The following LCAT variants were observed in gnomAD, a reference collection of about 807,000 sequenced individuals.
The protein encoded by LCAT is lecithin-cholesterol acyltransferase.
Under a neutral mutation model 41.0 loss-of-function variants are expected in LCAT, and 15 were observed. The ratio of observed to expected loss-of-function variants is 0.37; its 90% CI spans 0.24 to 0.56. LCAT has a LOEUF of 0.56. Ranked by LOEUF, LCAT falls within the 20% of genes least tolerant of loss-of-function variation. The probability of loss-of-function intolerance (pLI) is 0.81; values close to 1 mark genes in which losing one functional copy is unlikely to be tolerated. For missense variants in LCAT, 449 were observed against 595.1 expected (o/e 0.75, Z 2.55); for synonymous variants, 248 against 245.4 (o/e 1.01, Z -0.10).
In LCAT at chr16:67,943,186, C is replaced by T; in HGVS notation, c.181G>A (p.Glu61Lys). ...ACATCTGGTTTGTCCAGCTTGGCTT[C>T]TAGCTGATTCCCCAGGCAGCCGGGC... ...LVPGCLGNQL[E>K]AKLDKPDVVN... Residue 61 changes from glutamate to lysine, a missense_variant, in exon 2 of 6, where the codon GAA becomes AAA. Coordinates refer to ENST00000264005, the MANE Select transcript of LCAT (RefSeq NM_000229.2). This position sits in a 1 kb window ranked among gnomAD's most constrained non-coding sequence, Gnocchi z 4.6. 1 of 1,613,640 alleles carries T rather than the reference C, an allele frequency of 6.2e-7. No individual in the cohort carries two copies. Among genetic ancestry groups the T allele is most frequent in the Non-Finnish European group, 8.5e-7 (1 of 1,179,950 alleles).
chr16:67,943,814 C>T lies in LCAT; in HGVS notation c.154+134G>A. The T allele has an allele frequency of 1.2e-6, 1 of 842,762 alleles. No individual in the cohort carries two copies. The highest frequency in any genetic ancestry group is 1.9e-5 in the South Asian group (1 of 52,478). The allele number at this position is 842,762 out of a possible 1,614,324, so 52.2% of individuals were successfully genotyped here. ...TCTAAGGGACAAGCTTTTGGCCCCT[C>T]CCCACACCAGGGCAGGTACTTATGT... On this transcript the variant is annotated intron_variant, in intron 1 of 5. Transcript: ENST00000264005. The surrounding 1 kb of genome is among the most constrained non-coding windows in gnomAD (Gnocchi z 4.6).
chr16:67,943,016 G>A lies in LCAT; in HGVS notation c.311+40C>T. 3 of 1,613,796 alleles carry A rather than the reference G, an allele frequency of 1.9e-6. No individual in the cohort carries two copies. The highest frequency in any genetic ancestry group is 2.5e-6 in the Non-Finnish European group (3 of 1,179,868). On this transcript the variant is annotated intron_variant, in intron 2 of 5. Coordinates refer to ENST00000264005, the MANE Select transcript of LCAT (RefSeq NM_000229.2). The surrounding 1 kb of genome is among the most constrained non-coding windows in gnomAD (Gnocchi z 4.6). ...TGCCACTCAGCAGCCAGTAGCCAAG[G>A]GGCAGCGTGTTGGGGCTAGGGTGGA... is the stretch of plus-strand genomic sequence containing the variant.
rs2151319810 is a variant in LCAT at position 67,939,964 on chromosome 16, G to T, written c.1263C>A (p.Ala421=). 6.2e-7 allele frequency: 1 copy of T among 1,613,624 alleles called. No homozygotes were observed. The highest frequency in any genetic ancestry group is 8.5e-7 in the Non-Finnish European group (1 of 1,180,008). Reference sequence around the variant, plus strand: ...GGGATGCAGGGGGACCCTGGCGGTAGGCACCCAGCAGGATGGCATTGATGT... The same window carrying T: ...GGGATGCAGGGGGACCCTGGCGGTATGCACCCAGCAGGATGGCATTGATGT... ...LEHINAILLG[A]YRQGPPASPT... Residue 421 remains alanine (A), a synonymous_variant, in exon 6 of 6, where the codon GCC becomes GCA. Transcript: ENST00000264005.
At position 67,940,387 on chromosome 16, in the gene LCAT, G is replaced by A. The variant is rs373437836; in HGVS notation, c.840C>T (p.Arg280=). 3 of 1,614,032 alleles carry A rather than the reference G, an allele frequency of 1.9e-6. No homozygotes were observed. The highest frequency in any genetic ancestry group is 2.5e-6 in the Non-Finnish European group (3 of 1,180,042). The change falls in exon 6 of 6, where the codon CGC becomes CGT. Residue 280 remains arginine (R), a synonymous_variant. Coordinates refer to ENST00000264005, the MANE Select transcript of LCAT (RefSeq NM_000229.2). ...TTTSPWMFPS[R]MAWPEDHVFI... is the part of the protein sequence containing the mutation. ...ACACGTGGTCCTCAGGCCACGCCAT[G>A]CGAGAGGGAAACATCCAGGGGGAGG... is the stretch of plus-strand genomic sequence containing the variant.
At chr16:67,940,679 C>A in intron 5 of LCAT, 1 of 902,782 alleles carries the variant, frequency 1.1e-6, no homozygotes, top group Non-Finnish European at 1.6e-6. Flanking sequence ...GATAAGACCT[C>A]TGTTGGGTGG....
chr16:67,939,790 T>C lies in LCAT; in HGVS notation c.*114A>G. On this transcript the variant is annotated 3_prime_UTR_variant, in exon 6 of 6. Coordinates refer to ENST00000264005, the MANE Select transcript of LCAT (RefSeq NM_000229.2). ...CTCAGCAGAGCCCATCTTGCCTCAC[T>C]GCACACAGCACTGAGCCTGTGGCTG... The C allele has an allele frequency of 6.6e-7, 1 of 1,524,900 alleles. No individual in the cohort carries two copies. The highest frequency in any genetic ancestry group is 8.8e-7 in the Non-Finnish European group (1 of 1,131,778). The allele number at this position is 1,524,900 out of a possible 1,614,324, so 94.5% of individuals were successfully genotyped here.
chr16:67,943,386 G>T lies in LCAT; in HGVS notation c.155-174C>A, dbSNP rs2058304736. 1 of 643,096 alleles carries T rather than the reference G, an allele frequency of 1.6e-6. No individual in the cohort carries two copies. The highest frequency in any genetic ancestry group is 1.7e-5 in the South Asian group (1 of 58,762). The allele number at this position is 643,096 out of a possible 1,614,324, so 39.8% of individuals were successfully genotyped here. A position where few individuals can be genotyped will look rare whatever the true frequency, so the allele number is the denominator to read the frequency against. ...ACCCCCTCTCCCTGCTGTCCCCCCA[G>T]TAGCCAAAGCCCAGGCTTCCCTGAG... is the stretch of plus-strand genomic sequence containing the variant. On this transcript the variant is annotated intron_variant, in intron 1 of 5. Coordinates refer to ENST00000264005, the MANE Select transcript of LCAT (RefSeq NM_000229.2). This position sits in a 1 kb window ranked among gnomAD's most constrained non-coding sequence, Gnocchi z 4.6.
chr16:67,943,265 C>G lies in LCAT; in HGVS notation c.155-53G>C. ...TCTGGATTCCCCCCGTGACCCTTAC[C>G]CCCGTCACCCCAGATGCTGCAGTGA... On this transcript the variant is annotated intron_variant, in intron 1 of 5. Coordinates refer to ENST00000264005, the MANE Select transcript of LCAT (RefSeq NM_000229.2). The surrounding 1 kb of genome is among the most constrained non-coding windows in gnomAD (Gnocchi z 4.6). 1 of 1,589,908 alleles carries G rather than the reference C, an allele frequency of 6.3e-7. No homozygotes were observed. The highest frequency in any genetic ancestry group is 1.1e-5 in the South Asian group (1 of 90,508).
chr16:67,943,199 C>A lies in LCAT; in HGVS notation c.168G>T (p.Leu56=), dbSNP rs775504919. ...TRPVILVPGC[L]GNQLEAKLDK... Reference sequence around the variant, plus strand: ...CCAGCTTGGCTTCTAGCTGATTCCCCAGGCAGCCGGGCACTGTGAGCAGCA... The same window carrying A: ...CCAGCTTGGCTTCTAGCTGATTCCCAAGGCAGCCGGGCACTGTGAGCAGCA... The change falls in exon 2 of 6, where the codon CTG becomes CTT. Residue 56 remains leucine (L), a synonymous_variant. Coordinates refer to ENST00000264005, the MANE Select transcript of LCAT (RefSeq NM_000229.2). This position sits in a 1 kb window ranked among gnomAD's most constrained non-coding sequence, Gnocchi z 4.6. 2 of 1,613,304 alleles carry A rather than the reference C, an allele frequency of 1.2e-6. No individual in the cohort carries two copies. The highest frequency in any genetic ancestry group is 1.7e-5 in the Admixed American group (1 of 60,010).
intron 5 of LCAT, among the ~76,000 whole-genome samples, chr16:67,941,041 CA>C (rs1399086801): frequency 6.6e-6 from 1 of 152,100 alleles, no homozygotes; most frequent in African/African-American, 2.4e-5. Flanking sequence ...CGGTGGCTCA[CA>C]CCTGTAATCC....
chr16:67,942,701 C>T lies in LCAT; in HGVS notation c.493G>A (p.Ala165Thr), dbSNP rs1369994093. ...TCCAGCCGCCAGTCATAGGGGGCGGCGCGCACAGTCTCGTCCCGCACGTAG... is the reference window on the plus strand; with the variant it reads ...TCCAGCCGCCAGTCATAGGGGGCGGTGCGCACAGTCTCGTCCCGCACGTAG... The part of the protein sequence containing the change: ...NGYVRDETVR[A>T]APYDWRLEPG... Residue 165 changes from alanine to threonine, a missense_variant, in exon 4 of 6, where the codon GCC becomes ACC. By Grantham distance (58) the Ala-to-Thr change is moderately conservative. Transcript: ENST00000264005. This position sits in a 1 kb window ranked among gnomAD's most constrained non-coding sequence, Gnocchi z 6.6. 1.9e-6 allele frequency: 3 copies of T among 1,612,888 alleles called. No homozygotes were observed. Among genetic ancestry groups the T allele is most frequent in the African/African-American group, 1.3e-5 (1 of 75,056 alleles).
rs1382655013 is a variant in LCAT at position 67,942,028 on chromosome 16, T to C, written c.748+335A>G. 16 of 1,237,886 alleles carry C rather than the reference T, an allele frequency of 1.3e-5. No homozygotes were observed. Among genetic ancestry groups the C allele is most frequent in the African/African-American group, 1.6e-5 (1 of 64,386 alleles). 76.7% of individuals were successfully genotyped at this position (1,237,886 alleles called of 1,614,324 possible). ...ATCCATCCTCAGTGAAGCACATCCC[T>C]GGGCAAAGGCACTCCTGCGAGCAAG... On this transcript the variant is annotated intron_variant, in intron 5 of 5. Transcript: ENST00000264005. The surrounding 1 kb of genome is among the most constrained non-coding windows in gnomAD (Gnocchi z 6.6).
chr16:67,939,826 A>G lies in LCAT; in HGVS notation c.*78T>C. 1.3e-6 allele frequency: 2 copies of G among 1,562,170 alleles called. No homozygotes were observed. Among genetic ancestry groups the G allele is most frequent in the South Asian group, 1.2e-5 (1 of 81,988 alleles). On this transcript the variant is annotated 3_prime_UTR_variant, in exon 6 of 6. Coordinates refer to ENST00000264005, the MANE Select transcript of LCAT (RefSeq NM_000229.2). ...CTGAGCCTGTGGCTGGTGAGGAGTG[A>G]AACCTAGTGTGGGACTCTAGTGCCT...
intron 5 of LCAT, 184 bp from the exon 6 acceptor site, chr16:67,940,662 A>C (rs996492047): frequency 1.8e-5 from 18 of 1,025,946 alleles, no homozygotes; most frequent in Middle Eastern, 6.3e-4. Flanking sequence ...ACTCAATGAG[A>C]AGCCCTGATA....
At chr16:67,941,115 C>A (rs1282556489) in intron 5 of LCAT, among the ~76,000 whole-genome samples, 3 of 150,578 alleles carry the variant, frequency 2.0e-5, no homozygotes, top group African/African-American at 7.3e-5. Flanking sequence ...ACCAGCCTGG[C>A]CAACATGGGG....
Position 67,940,350 on chromosome 16 carries a change from G to A in LCAT, c.877C>T (p.Pro293Ser), listed in dbSNP as rs1181613576. 6.2e-7 allele frequency: 1 copy of A among 1,614,178 alleles called. No individual in the cohort carries two copies. The highest frequency in any genetic ancestry group is 1.3e-5 in the African/African-American group (1 of 75,054). The change falls in exon 6 of 6, where the codon CCC becomes TCC. Residue 293 changes from proline (P) to serine (S), a missense_variant. Transcript: ENST00000264005. ...WPEDHVFIST[P>S]SFNYTGRDFQ... ...TCACGGCCTGTGTAGTTGAAGCTGGGTGTGGAAATGAACACGTGGTCCTCA... is the reference window on the plus strand; with the variant it reads ...TCACGGCCTGTGTAGTTGAAGCTGGATGTGGAAATGAACACGTGGTCCTCA...
chr16:67,939,937 C>T lies in LCAT; in HGVS notation c.1290G>A (p.Pro430=), dbSNP rs2058283051. 6.8e-6 allele frequency: 11 copies of T among 1,613,366 alleles called. No individual in the cohort carries two copies. Among genetic ancestry groups the T allele is most frequent in the South Asian group, 4.4e-5 (4 of 91,064 alleles). Residue 430 remains proline (P), a synonymous_variant, in exon 6 of 6, where the codon CCG becomes CCA. Transcript: ENST00000264005. ...GAYRQGPPAS[P]TASPEPPPPE ...GAGGCGGGGGCTCTGGGCTGGCAGT[C>T]GGGGATGCAGGGGGACCCTGGCGGT... is the stretch of plus-strand genomic sequence containing the variant.
chr16:67,941,922 C>T (rs1329944427), intron 5 of LCAT: 1 of 1,158,100 alleles, frequency 8.6e-7, no homozygotes. Context: ...TAGGTGGTAG[C>T]TGTGTCAGTG....
rs780385119 is a variant in LCAT at position 67,943,729 on chromosome 16, C to T, written c.154+219G>A. On this transcript the variant is annotated intron_variant, in intron 1 of 5. Transcript: ENST00000264005. This position sits in a 1 kb window ranked among gnomAD's most constrained non-coding sequence, Gnocchi z 4.6. ...CTCAGGCACACCCCGTCCCCCACTC[C>T]GCCCCCCCTGGGTTAGACAACTGAG... 8.7e-6 allele frequency: 5 copies of T among 575,568 alleles called. No homozygotes were observed. Among genetic ancestry groups the T allele is most frequent in the Non-Finnish European group, 1.2e-5 (4 of 328,468 alleles). The allele number at this position is 575,568 out of a possible 1,614,324, so 35.7% of individuals were successfully genotyped here. A position where few individuals can be genotyped will look rare whatever the true frequency, so the allele number is the denominator to read the frequency against.
Sources: gnomAD v4.1 joint callset for allele counts (sites outside exome capture counted in the v4.1 genomes callset) on GRCh38, gnomAD v4.1.1 for gene constraint, Gnocchi (gnomAD v3.1) non-coding constraint, MANE v1.5 for transcripts, NCBI Gene and HGNC (gene_info 2026-07-23, HGNC 2026-07-21) for gene names.